The following GLRA2 variants were observed in gnomAD, a reference collection of about 807,000 sequenced individuals.
The protein encoded by GLRA2 is glycine receptor subunit alpha-2.
Under a neutral mutation model 31.6 loss-of-function variants are expected in GLRA2, and 11 were observed. That is an observed-to-expected ratio of 0.35 (90% confidence interval 0.22 to 0.58). GLRA2 has a LOEUF of 0.58. Ranked by LOEUF, GLRA2 falls within the 20% of genes least tolerant of loss-of-function variation. The pLI is 0.84. For synonymous variants in GLRA2, 132 were observed against 134.0 expected, an observed-to-expected ratio of 0.99 and a Z score of 0.10; for missense variants, 212 against 351.8, an observed-to-expected ratio of 0.60 and a Z score of 3.18.
chrX:14,569,654 G>T (rs1483862897), intron 2 of GLRA2, among the ~76,000 whole-genome samples: 2 of 112,577 alleles, frequency 1.8e-5, no homozygotes, highest in African/African-American at 6.5e-5. Context: ...CTCACACATT[G>T]CTTGTGACAA....
At chrX:14,581,124 T>C (rs900700157) in intron 3 of GLRA2, 59 bp from the exon 4 acceptor site, 1 of 700,841 alleles carries the variant, frequency 1.4e-6, no homozygotes, top group Non-Finnish European at 2.3e-6. Flanking sequence ...GAGAGAGAAA[T>C]GCAAATAGAA....
intron 1 of GLRA2, among the ~76,000 whole-genome samples, chrX:14,530,751 A>T (rs2089243950): frequency 8.9e-6 from 1 of 111,878 alleles, no homozygotes; most frequent in African/African-American, 3.2e-5. Flanking sequence ...GCATAATTTT[A>T]AAAAGTGAGA....
At chrX:14,708,450 A>G (rs1216109903) in intron 8 of GLRA2, among the ~76,000 whole-genome samples, 2 of 110,995 alleles carry the variant, frequency 1.8e-5, no homozygotes, top group African/African-American at 3.3e-5. Context: ...TGCACTAACT[A>G]TATTGCACCT....
chrX:14,705,721 C>A (rs1270352957), intron 8 of GLRA2, among the ~76,000 whole-genome samples: 3 of 112,026 alleles, frequency 2.7e-5, no homozygotes, highest in African/African-American at 9.7e-5. Context: ...ACATAAAGTT[C>A]TTTTTATTTA....
intron 7 of GLRA2, among the ~76,000 whole-genome samples, chrX:14,638,897 C>T (rs1237292705): frequency 2.7e-5 from 3 of 110,407 alleles, no homozygotes; most frequent in Non-Finnish European, 5.7e-5. Flanking sequence ...ATTCAAATAC[C>T]ATAATGTGCT....
the GLRA2 span, among the ~76,000 whole-genome samples, chrX:14,452,634 A>C: frequency 1.2e-4 from 13 of 112,369 alleles, no homozygotes; most frequent in Middle Eastern, 4.6e-3. Flanking sequence ...GGAAGGTGTT[A>C]CAGAAGAGAT....
intron 8 of GLRA2, among the ~76,000 whole-genome samples, chrX:14,699,419 T>C (rs2091503965): frequency 2.7e-5 from 3 of 112,090 alleles, no homozygotes; most frequent in Non-Finnish European, 5.6e-5. Context: ...TAATGACAAG[T>C]TGCCTTTTAC....
At chrX:14,643,793 T>G (rs1314204550) in intron 7 of GLRA2, among the ~76,000 whole-genome samples, 1 of 112,128 alleles carries the variant, frequency 8.9e-6, no homozygotes, top group East Asian at 2.8e-4. Flanking sequence ...ATGTTGACAT[T>G]ACATGTCTTT....
At chrX:14,573,980 C>T (rs181157590) in intron 2 of GLRA2, among the ~76,000 whole-genome samples, 5 of 110,422 alleles carry the variant, frequency 4.5e-5, no homozygotes, top group Non-Finnish European at 9.5e-5. Context: ...TTCATCACTA[C>T]GAGGGAACCG....
At chrX:14,564,736 G>T (rs777072115) in intron 2 of GLRA2, among the ~76,000 whole-genome samples, 7 of 111,620 alleles carry the variant, frequency 6.3e-5, no homozygotes, top group Non-Finnish European at 1.3e-4. Flanking sequence ...TGGAGCTATC[G>T]TATGTTATTG....
intron 8 of GLRA2, among the ~76,000 whole-genome samples, chrX:14,723,171 T>A (rs903285325): frequency 3.6e-5 from 4 of 112,093 alleles, no homozygotes; most frequent in African/African-American, 9.7e-5. Context: ...TCTATTCGAA[T>A]GTCTCAAGTG....
At chrX:14,579,608 G>C (rs2238911) in intron 3 of GLRA2, among the ~76,000 whole-genome samples, 42,941 of 110,849 alleles carry the variant, frequency 0.39, 7,631 homozygotes, top group African/African-American at 0.7. Context: ...GGGATTACAG[G>C]CATGAGCCAC....
intron 8 of GLRA2, among the ~76,000 whole-genome samples, chrX:14,700,601 A>C (rs1030444937): frequency 8.9e-6 from 1 of 112,017 alleles, no homozygotes; most frequent in Non-Finnish European, 1.9e-5. Context: ...AGGAAGTCAG[A>C]GGACATTGGT....
chrX:14,715,645 C>T (rs2091774655), intron 8 of GLRA2, among the ~76,000 whole-genome samples: 1 of 111,395 alleles, frequency 9.0e-6, no homozygotes, highest in African/African-American at 3.3e-5. Context: ...AGAATAATGG[C>T]AGAGTAGAAT....
At chrX:14,647,587 A>G (rs1367614792) in intron 7 of GLRA2, among the ~76,000 whole-genome samples, 1 of 112,177 alleles carries the variant, frequency 8.9e-6, no homozygotes, top group African/African-American at 3.2e-5. Flanking sequence ...AGTCAGGAGA[A>G]TGGGTATTAA....
At chrX:14,482,302 G>A in the GLRA2 span, among the ~76,000 whole-genome samples, 2 of 111,771 alleles carry the variant, frequency 1.8e-5, no homozygotes, top group Non-Finnish European at 3.8e-5. Flanking sequence ...TATGCATAAT[G>A]AATTAGGTGG....
At chrX:14,460,968 T>A in the GLRA2 span, among the ~76,000 whole-genome samples, 1 of 112,006 alleles carries the variant, frequency 8.9e-6, no homozygotes, top group East Asian at 2.8e-4. Flanking sequence ...CGATTTTAGA[T>A]CTCTCCTGCT....
At chrX:14,473,503 T>C in the GLRA2 span, among the ~76,000 whole-genome samples, 1 of 112,350 alleles carries the variant, frequency 8.9e-6, no homozygotes, top group African/African-American at 3.2e-5. Flanking sequence ...TTGCATGCTA[T>C]TTATGGCCTG....
At chrX:14,453,909 G>T in the GLRA2 span, among the ~76,000 whole-genome samples, 1 of 111,577 alleles carries the variant, frequency 9.0e-6, no homozygotes, top group Non-Finnish European at 1.9e-5. Context: ...AATCTCCTGA[G>T]AATTATGCTG....
Sources: allele counts gnomAD v4.1 joint callset (sites outside exome capture counted in the v4.1 genomes callset), GRCh38; gene constraint gnomAD v4.1.1; transcripts MANE v1.5; gene names NCBI Gene and HGNC (gene_info 2026-07-23, HGNC 2026-07-21).